Variants in FOXP2 observed in about 807,000 individuals in gnomAD.
FOXP2 encodes the protein forkhead box protein P2.
A neutral mutation model predicts 115.8 loss-of-function variants in FOXP2; 12 were observed. The observed-to-expected ratio is 0.10, with a 90% confidence interval of 0.07 to 0.17. The LOEUF is 0.17. FOXP2 is among the 10% of genes least tolerant of loss of function. FOXP2 has a pLI of 1.00. For missense variants in FOXP2, 629 were observed against 843.5 expected, an observed-to-expected ratio of 0.75 and a Z score of 3.15; for synonymous variants, 328 against 297.7, an observed-to-expected ratio of 1.10 and a Z score of -1.05.
chr7:114,220,777 C>T (rs1794600761), intron 1 of FOXP2, among the ~76,000 whole-genome samples: 1 of 152,128 alleles, frequency 6.6e-6, no homozygotes, highest in Admixed American at 6.5e-5. Flanking sequence ...TTAATTGAGA[C>T]AGTCCTAAGG....
intron 1 of FOXP2, among the ~76,000 whole-genome samples, chr7:114,265,175 CA>C (rs1220095366): frequency 6.6e-6 from 1 of 152,136 alleles, no homozygotes; most frequent in Non-Finnish European, 1.5e-5. Context: ...TCTTCTGAGA[CA>C]AGGCAAGTTC....
At chr7:114,157,786 G>A (rs1042699581) in intron 1 of FOXP2, among the ~76,000 whole-genome samples, 1 of 151,968 alleles carries the variant, frequency 6.6e-6, no homozygotes, top group African/African-American at 2.4e-5. Context: ...GGTATGTCTG[G>A]CATATTCTGT....
intron 6 of FOXP2, among the ~76,000 whole-genome samples, chr7:114,640,597 G>T (rs770167163): frequency 3.3e-5 from 5 of 152,096 alleles, no homozygotes; most frequent in Non-Finnish European, 7.4e-5. Context: ...TTTTCCATTT[G>T]CAGGGATTGG....
intron 2 of FOXP2, among the ~76,000 whole-genome samples, chr7:114,328,411 T>C (rs1041398584): frequency 5.9e-5 from 9 of 151,944 alleles, no homozygotes; most frequent in Admixed American, 5.9e-4. Context: ...AAATTTTTTG[T>C]ATTTTTGGTA....
At chr7:114,495,123 A>G (rs773619195) in intron 2 of FOXP2, among the ~76,000 whole-genome samples, 7 of 152,170 alleles carry the variant, frequency 4.6e-5, no homozygotes, top group Non-Finnish European at 1.0e-4. Flanking sequence ...AAACTGTAAA[A>G]TGTAACAAGC....
intron 1 of FOXP2, among the ~76,000 whole-genome samples, chr7:114,122,286 T>C (rs1055604420): frequency 1.3e-5 from 2 of 152,146 alleles, no homozygotes; most frequent in African/African-American, 4.8e-5. Flanking sequence ...TTATTTACTA[T>C]ATTATTGATT....
At chr7:114,143,463 C>A (rs1413913939) in intron 1 of FOXP2, among the ~76,000 whole-genome samples, 1 of 151,960 alleles carries the variant, frequency 6.6e-6, no homozygotes, top group Admixed American at 6.6e-5. Flanking sequence ...TGCCCCCCCA[C>A]CCCCAGTCTA....
chr7:114,665,838 C>T (rs188588816), intron 16 of FOXP2: 1 of 152,074 alleles, frequency 6.6e-6, no homozygotes. Context: ...CCCGCTTTAT[C>T]CTATCAGCCA....
intron 2 of FOXP2, among the ~76,000 whole-genome samples, chr7:114,351,990 A>G (rs1791501355): frequency 6.6e-6 from 1 of 152,100 alleles, no homozygotes; most frequent in Non-Finnish European, 1.5e-5. Context: ...AGTTAGAACC[A>G]GGTGCAGTGG....
intron 1 of FOXP2, among the ~76,000 whole-genome samples, chr7:114,232,372 C>A (rs1584563277): frequency 6.6e-6 from 1 of 152,060 alleles, no homozygotes; most frequent in African/African-American, 2.4e-5. Flanking sequence ...GTTATTTATA[C>A]AAAGTATTTA....
At chr7:114,417,906 T>TA (rs1438547230) in intron 1 of FOXP2, among the ~76,000 whole-genome samples, 1 of 151,978 alleles carries the variant, frequency 6.6e-6, no homozygotes, top group African/African-American at 2.4e-5. Context: ...CACGAACTGA[T>TA]ATACAGTAAA....
intron 13 of FOXP2, 183 bp from the exon 14 acceptor site, chr7:114,661,882 A>T: frequency 1.5e-6 from 1 of 678,240 alleles, no homozygotes; most frequent in Non-Finnish European, 2.4e-6. Flanking sequence ...ACAAAGTTCA[A>T]ACTGCAGATT....
intron 1 of FOXP2, among the ~76,000 whole-genome samples, chr7:114,213,059 G>T (rs887248743): frequency 1.3e-5 from 2 of 152,168 alleles, no homozygotes; most frequent in Non-Finnish European, 2.9e-5. Context: ...AAACTGGATA[G>T]AATTTTTTTT....
At chr7:114,431,115 G>A (rs906413032) in intron 2 of FOXP2, among the ~76,000 whole-genome samples, 1 of 151,924 alleles carries the variant, frequency 6.6e-6, no homozygotes, top group Non-Finnish European at 1.5e-5. Flanking sequence ...CATTGTGCCT[G>A]TCTTGCATGA....
Position 114,200,394 on chromosome 7 carries a change from T to C in FOXP2, c.-102+37306T>C, listed in dbSNP as rs549235969. 2.6e-5 allele frequency among the ~76,000 whole-genome samples: 4 copies of C among 152,342 alleles called. No individual in the cohort carries two copies. In the East Asian group the frequency reaches 5.8e-4, roughly 22 times the overall value. On this transcript the variant is annotated intron_variant, in intron 1 of 17. Transcript: ENST00000634411. ...ATCCAAAGTTATTCTGAACCCTGCA[T>C]CATATTCACTTTACTGGATATAATT...
intron 2 of FOXP2, among the ~76,000 whole-genome samples, chr7:114,365,313 T>C (rs1791851257): frequency 6.6e-6 from 1 of 152,152 alleles, no homozygotes; most frequent in African/African-American, 2.4e-5. Flanking sequence ...TTTTATTCTT[T>C]CAGCCTAATT....
chr7:114,506,257 G>A (rs956143108), intron 2 of FOXP2, among the ~76,000 whole-genome samples: 3 of 151,628 alleles, frequency 2.0e-5, no homozygotes, highest in Non-Finnish European at 4.4e-5. Flanking sequence ...ATGAACTTTG[G>A]CAAGATTACG....
At chr7:114,318,587 A>G (rs1330788959) in intron 2 of FOXP2, among the ~76,000 whole-genome samples, 1 of 151,906 alleles carries the variant, frequency 6.6e-6, no homozygotes, top group Non-Finnish European at 1.5e-5. Flanking sequence ...ATGAATTTAA[A>G]CACAATGATT....
intron 1 of FOXP2, among the ~76,000 whole-genome samples, chr7:114,245,557 T>C (rs1230022683): frequency 1.3e-5 from 2 of 152,240 alleles, no homozygotes; most frequent in Non-Finnish European, 2.9e-5. Context: ...AATAGAGGGA[T>C]AGTTATGTTA....
Sources: gnomAD v4.1 joint callset for allele counts (sites outside exome capture counted in the v4.1 genomes callset) on GRCh38, gnomAD v4.1.1 for gene constraint, MANE v1.5 for transcripts, NCBI Gene and HGNC (gene_info 2026-07-23, HGNC 2026-07-21) for gene names.